ZFPM2: variants seen among roughly 807,000 people sequenced by gnomAD.
ZFPM2 encodes the protein zinc finger protein ZFPM2.
Under a neutral mutation model 98.6 loss-of-function variants are expected in ZFPM2, and 20 were observed. That is an observed-to-expected ratio of 0.20 (90% CI 0.14 to 0.29). The LOEUF (loss-of-function observed/expected upper bound fraction) is 0.29, where lower values mean the gene tolerates loss of function less well. Ranked by LOEUF, ZFPM2 falls within the 10% of genes least tolerant of loss-of-function variation. The pLI is 1.00. For synonymous variants in ZFPM2, 518 were observed against 502.7 expected (o/e 1.03, Z -0.41); for missense variants, 1,310 against 1,388.6 (o/e 0.94, Z 0.90).
intron 3 of ZFPM2, among the ~76,000 whole-genome samples, chr8:105,479,066 G>A (rs543042559): frequency 1.3e-5 from 2 of 152,262 alleles, no homozygotes; most frequent in African/African-American, 4.8e-5. Flanking sequence ...TCTTTTAAGT[G>A]TTGTTCTCAC....
At chr8:105,775,809 A>G (rs890114944) in intron 5 of ZFPM2, among the ~76,000 whole-genome samples, 4 of 152,162 alleles carry the variant, frequency 2.6e-5, no homozygotes, top group Admixed American at 2.6e-4. Flanking sequence ...ATGAGACTTC[A>G]TGCACAGGCC....
In ZFPM2 at chr8:105,676,569, G is replaced by A. The variant is rs1810473370; in HGVS notation, c.532+42212G>A. ...TTTTCATCTGTTTTGTTGAAAAAAA[G>A]AAGTTGTAAAAATACGCATGGAAAA... On this transcript the variant is annotated intron_variant, in intron 5 of 7. Transcript: ENST00000407775. Among the ~76,000 whole-genome samples the A allele has an allele frequency of 2.0e-5, 3 of 152,018 alleles. No individual in the cohort carries two copies. The South Asian group carries it at 6.2e-4, about 32-fold the overall frequency.
At chr8:105,622,506 T>C (rs1164238831) in intron 4 of ZFPM2, among the ~76,000 whole-genome samples, 1 of 152,120 alleles carries the variant, frequency 6.6e-6, no homozygotes, top group Non-Finnish European at 1.5e-5. Context: ...CATAGAAAAC[T>C]AGCAACAACA....
intron 5 of ZFPM2, among the ~76,000 whole-genome samples, chr8:105,636,171 A>C (rs1237717745): frequency 6.6e-6 from 1 of 152,180 alleles, no homozygotes; most frequent in Non-Finnish European, 1.5e-5. Context: ...TTTTGGAACC[A>C]TCTGAAAGAT....
At chr8:105,374,695 A>G (rs1810688922) in intron 1 of ZFPM2, among the ~76,000 whole-genome samples, 1 of 152,070 alleles carries the variant, frequency 6.6e-6, no homozygotes, top group South Asian at 2.1e-4. Flanking sequence ...AGGTGAGGAG[A>G]AGAGGGTGAA....
intron 5 of ZFPM2, among the ~76,000 whole-genome samples, chr8:105,713,900 A>C (rs1003752578): frequency 2.0e-5 from 3 of 152,062 alleles, no homozygotes; most frequent in African/African-American, 4.8e-5. Context: ...TGATGTCTCC[A>C]GCTTTGTTCT....
intron 1 of ZFPM2, among the ~76,000 whole-genome samples, chr8:105,409,848 A>G (rs1219400989): frequency 6.6e-6 from 1 of 151,814 alleles, no homozygotes; most frequent in Non-Finnish European, 1.5e-5. Flanking sequence ...CTTTCTAACA[A>G]GTTACCAGGT....
chr8:105,517,707 C>CACACACACACACACACACACACA (rs61552974), intron 3 of ZFPM2, among the ~76,000 whole-genome samples: 1 of 124,890 alleles, frequency 8.0e-6, no homozygotes, highest in East Asian at 2.4e-4. Context: ...CACACACACA[C>CACACACACACACACACACACACA]CACACACACA....
At chr8:105,747,430 A>T (rs761773907) in intron 5 of ZFPM2, among the ~76,000 whole-genome samples, 1 of 152,066 alleles carries the variant, frequency 6.6e-6, no homozygotes, top group Non-Finnish European at 1.5e-5. Flanking sequence ...GCCACATGTA[A>T]TGTTCTCTGA....
intron 4 of ZFPM2, among the ~76,000 whole-genome samples, chr8:105,598,535 T>C (rs1327726441): frequency 1.3e-5 from 2 of 152,174 alleles, no homozygotes; most frequent in Admixed American, 6.6e-5. Context: ...AATTAACTTC[T>C]GGAAAAATGA....
At chr8:105,451,946 G>A in intron 3 of ZFPM2, among the ~76,000 whole-genome samples, 1 of 152,112 alleles carries the variant, frequency 6.6e-6, no homozygotes. Flanking sequence ...TGAAAACTGT[G>A]TTGAAACCTT....
intron 1 of ZFPM2, among the ~76,000 whole-genome samples, chr8:105,331,044 T>C (rs1463068801): frequency 1.3e-5 from 2 of 150,916 alleles, no homozygotes; most frequent in Non-Finnish European, 3.0e-5. Flanking sequence ...ACACTTAATA[T>C]TATAGAGTAT....
chr8:105,443,379 TA>T (rs1248246528), intron 2 of ZFPM2, among the ~76,000 whole-genome samples: 1 of 151,756 alleles, frequency 6.6e-6, no homozygotes, highest in Non-Finnish European at 1.5e-5. Flanking sequence ...GCTGTGATTT[TA>T]GTATTCATGT....
intron 5 of ZFPM2, among the ~76,000 whole-genome samples, chr8:105,760,131 T>C (rs994443716): frequency 2.0e-5 from 3 of 151,848 alleles, no homozygotes; most frequent in Non-Finnish European, 4.4e-5. Context: ...TATGAATGAC[T>C]TGGAGTAGGG....
At chr8:105,727,274 G>A (rs1205085167) in intron 5 of ZFPM2, among the ~76,000 whole-genome samples, 2 of 151,298 alleles carry the variant, frequency 1.3e-5, no homozygotes, top group South Asian at 4.2e-4. Flanking sequence ...AGGGCTGTAG[G>A]ACTATGATCA....
chr8:105,792,901 T>C (rs1395891236), intron 6 of ZFPM2, among the ~76,000 whole-genome samples: 1 of 152,202 alleles, frequency 6.6e-6, no homozygotes, highest in African/African-American at 2.4e-5. Flanking sequence ...GAGACTAGGA[T>C]TGCAATCCCT....
rs550229337 is a variant in ZFPM2, at chr8:105,411,591, TTTA to T, written c.41-7547_41-7545del. On this transcript the variant is annotated intron_variant, in intron 1 of 7. Coordinates refer to ENST00000407775, the MANE Select transcript of ZFPM2 (RefSeq NM_012082.4). ...CGTACTTATTTTCTGTTAGGAGCTTTTTATTATTGAAATATATCTCAATCATAT... is the reference window on the plus strand; with the variant it reads ...CGTACTTATTTTCTGTTAGGAGCTTTTTATTGAAATATATCTCAATCATAT... Among the ~76,000 whole-genome samples, 8 of 152,078 alleles carry T rather than the reference TTTA, an allele frequency of 5.3e-5. No individual in the cohort carries two copies. The South Asian group carries it at 1.0e-3, about 20-fold the overall frequency.
intron 4 of ZFPM2, among the ~76,000 whole-genome samples, chr8:105,605,265 A>G (rs1320311733): frequency 6.6e-6 from 1 of 152,116 alleles, no homozygotes; most frequent in East Asian, 1.9e-4. Context: ...AGTCAATACA[A>G]TTCTGAATCT....
chr8:105,410,093 G>C (rs1319784092), intron 1 of ZFPM2, among the ~76,000 whole-genome samples: 1 of 151,828 alleles, frequency 6.6e-6, no homozygotes, highest in Non-Finnish European at 1.5e-5. Context: ...TTATAAAAGA[G>C]AAATTGACCT....
Sources: gnomAD v4.1 joint callset for allele counts (sites outside exome capture counted in the v4.1 genomes callset) on GRCh38, gnomAD v4.1.1 for gene constraint, MANE v1.5 for transcripts, NCBI Gene and HGNC (gene_info 2026-07-23, HGNC 2026-07-21) for gene names.